Variants in ERC1 observed in about 807,000 individuals in gnomAD.
ERC1 encodes the protein RAB6 interacting protein 2.
A neutral mutation model predicts 132.0 loss-of-function variants in ERC1; 56 were observed. The ratio of observed to expected loss-of-function variants is 0.42; its 90% CI spans 0.34 to 0.53. ERC1 has a LOEUF of 0.53. Among genes scored for constraint, ERC1 ranks in the 20% least tolerant of loss-of-function variants. The pLI, the probability that ERC1 is intolerant of heterozygous loss-of-function variation, is 0.03. For missense variants in ERC1, 1,202 were observed against 1,349.9 expected (o/e 0.89, Z 1.72); for synonymous variants, 478 against 476.1 (o/e 1.00, Z -0.05).
At position 1,494,664 on chromosome 12, in the gene ERC1, G is replaced by C. The variant is rs957940980; in HGVS notation, c.*4434G>C. 4.3e-6 allele frequency: 1 copy of C among 231,064 alleles called. No homozygotes were observed. The highest frequency in any genetic ancestry group is 6.1e-5 in the East Asian group (1 of 16,292). The allele number at this position is 231,064 out of a possible 1,614,324, so 14.3% of individuals were successfully genotyped here. ...GAGAAGTGGTTTTAGGGATTGATTT[G>C]GGGGAGCGGGTTTTTGTCCCATCCC... On this transcript the variant is annotated 3_prime_UTR_variant, in exon 19 of 19. Transcript: ENST00000360905.
At position 1,434,678 on chromosome 12, in the gene ERC1, G is replaced by A. The variant is rs137882350; in HGVS notation, c.3025-9884G>A. ...TTCGGAGCAGAGGGAAACAGAGCACGTGGGTCCTTCTTCCAGAGATGGGTG... is the reference window on the plus strand; with the variant it reads ...TTCGGAGCAGAGGGAAACAGAGCACATGGGTCCTTCTTCCAGAGATGGGTG... On this transcript the variant is annotated intron_variant, in intron 17 of 18. Transcript: ENST00000360905. Among the ~76,000 whole-genome samples the A allele has an allele frequency of 2.6e-5, 4 of 152,306 alleles. No individual in the cohort carries two copies. In the East Asian group the frequency reaches 5.8e-4, roughly 22 times the overall value.
chr12:1,070,993 G>A (rs2154181726), intron 2 of ERC1, among the ~76,000 whole-genome samples: 1 of 152,232 alleles, frequency 6.6e-6, no homozygotes, highest in East Asian at 1.9e-4. Flanking sequence ...TCAGTGTGTT[G>A]TTTTTTACAT....
At chr12:994,275 A>G (rs895043810) in intron 1 of ERC1, among the ~76,000 whole-genome samples, 3 of 152,184 alleles carry the variant, frequency 2.0e-5, no homozygotes, top group African/African-American at 7.2e-5. Flanking sequence ...TTTCAGAGAC[A>G]TATAGTAAAA....
chr12:1,027,800 T>C lies in ERC1; in HGVS notation c.-104T>C. On this transcript the variant is annotated 5_prime_UTR_variant, in exon 2 of 19. Transcript: ENST00000360905. Reference sequence around the variant, plus strand: ...TGGACAGCTGGGGACCTTCTTCTGATTAACCTTAAACCAACTTGTAGCCAT... The same window carrying C: ...TGGACAGCTGGGGACCTTCTTCTGACTAACCTTAAACCAACTTGTAGCCAT... 1 of 971,862 alleles carries C rather than the reference T, an allele frequency of 1.0e-6. No homozygotes were observed. Among genetic ancestry groups the C allele is most frequent in the Non-Finnish European group, 1.6e-6 (1 of 645,118 alleles). The allele number at this position is 971,862 out of a possible 1,614,324, so 60.2% of individuals were successfully genotyped here. A position where few individuals can be genotyped will look rare whatever the true frequency, so the allele number is the denominator to read the frequency against.
In ERC1 at chr12:1,442,700, A is replaced by G. The variant is rs530680637; in HGVS notation, c.3025-1862A>G. 4.6e-5 allele frequency among the ~76,000 whole-genome samples: 7 copies of G among 152,294 alleles called. No homozygotes were observed. The East Asian group carries it at 1.2e-3, about 25-fold the overall frequency. Reference sequence around the variant, plus strand: ...TTTCCTGGAAATAGTATTAGAAACAAAGGAAATGTGCTATATGTATTATGC... The same window carrying G: ...TTTCCTGGAAATAGTATTAGAAACAGAGGAAATGTGCTATATGTATTATGC... On this transcript the variant is annotated intron_variant, in intron 17 of 18. Coordinates refer to ENST00000360905, the MANE Select transcript of ERC1 (RefSeq NM_178040.4).
chr12:1,293,245 A>G (rs1325071946), intron 15 of ERC1, among the ~76,000 whole-genome samples: 1 of 150,958 alleles, frequency 6.6e-6, no homozygotes, highest in African/African-American at 2.4e-5. Flanking sequence ...ACGAGGTCAG[A>G]AGATTGAGAC....
chr12:1,277,828 TATTGATA>T (rs1027366104), intron 14 of ERC1, among the ~76,000 whole-genome samples: 3 of 152,214 alleles, frequency 2.0e-5, no homozygotes, highest in East Asian at 1.9e-4. Flanking sequence ...TGGAACATGA[TATTGATA>T]AGCATATAGA....
At position 1,110,171 on chromosome 12, in the gene ERC1, TA is replaced by T; in HGVS notation, c.1162-18del. On this transcript the variant is annotated intron_variant, in intron 4 of 18. Transcript: ENST00000360905. The stretch of plus-strand genomic sequence containing the variant: ...GGGTTTTTGTGAATACTTCAATCAC[TA>T]AATCTTCCATTGTCTTCAGGATTCA... The T allele has an allele frequency of 1.3e-6, 2 of 1,571,808 alleles. No individual in the cohort carries two copies. Among genetic ancestry groups the T allele is most frequent in the Non-Finnish European group, 1.7e-6 (2 of 1,161,628 alleles).
At chr12:1,266,170 T>A (rs1383618130) in intron 14 of ERC1, among the ~76,000 whole-genome samples, 1 of 152,164 alleles carries the variant, frequency 6.6e-6, no homozygotes, top group Non-Finnish European at 1.5e-5. Context: ...TTGCTTTTAA[T>A]TGTATGCTTT....
At chr12:1,075,646 G>C (rs1211879940) in intron 2 of ERC1, among the ~76,000 whole-genome samples, 2 of 151,886 alleles carry the variant, frequency 1.3e-5, no homozygotes, top group African/African-American at 2.4e-5. Context: ...AGCTGAGATT[G>C]TGCCATTGCA....
chr12:1,440,263 G>A (rs1293457277), intron 17 of ERC1, among the ~76,000 whole-genome samples: 1 of 139,628 alleles, frequency 7.2e-6, no homozygotes, highest in Non-Finnish European at 1.5e-5. Context: ...GGAGTGCAGT[G>A]GTGCCATCTC....
intron 15 of ERC1, among the ~76,000 whole-genome samples, chr12:1,358,455 C>T (rs990266518): frequency 1.3e-5 from 2 of 151,998 alleles, no homozygotes. Flanking sequence ...GCTAAAAATC[C>T]AGTCTTGGCA....
At chr12:1,324,272 A>G (rs183769749) in intron 15 of ERC1, among the ~76,000 whole-genome samples, 27 of 152,338 alleles carry the variant, frequency 1.8e-4, no homozygotes, top group Admixed American at 3.9e-4. Flanking sequence ...GGCAGCTGAC[A>G]GACCTACTGA....
intron 15 of ERC1, among the ~76,000 whole-genome samples, chr12:1,297,556 A>G (rs2080056560): frequency 1.3e-5 from 2 of 151,074 alleles, no homozygotes. Flanking sequence ...AAAAAAAAAA[A>G]AAAATTAGCT....
At chr12:1,082,419 G>C (rs987100117) in intron 2 of ERC1, among the ~76,000 whole-genome samples, 44 of 150,956 alleles carry the variant, frequency 2.9e-4, no homozygotes, top group Non-Finnish European at 5.0e-4. Flanking sequence ...CTCCCAAAGT[G>C]CTGGGATTAT....
intron 15 of ERC1, among the ~76,000 whole-genome samples, chr12:1,348,484 C>T (rs186679194): frequency 3.3e-5 from 5 of 151,946 alleles, no homozygotes; most frequent in African/African-American, 1.2e-4. Context: ...GTCAGGAGTT[C>T]GAGACCATCC....
chr12:1,016,578 G>A (rs951506059), intron 1 of ERC1, among the ~76,000 whole-genome samples: 1 of 151,696 alleles, frequency 6.6e-6, no homozygotes, highest in Non-Finnish European at 1.5e-5. Context: ...AGGCGAGACT[G>A]GGGCTGTTTT....
chr12:1,068,365 G>T (rs78979101), intron 2 of ERC1, among the ~76,000 whole-genome samples: 1 of 148,072 alleles, frequency 6.8e-6, no homozygotes, highest in Non-Finnish European at 1.5e-5. Context: ...TCAAAGATCC[G>T]TATGAAATTA....
intron 12 of ERC1, among the ~76,000 whole-genome samples, chr12:1,235,535 T>C (rs2075355860): frequency 6.6e-6 from 1 of 152,114 alleles, no homozygotes; most frequent in African/African-American, 2.4e-5. Context: ...AAGACACAAA[T>C]AGCTATTTCA....
Sources: gnomAD v4.1 joint callset for allele counts (sites outside exome capture counted in the v4.1 genomes callset) on GRCh38, gnomAD v4.1.1 for gene constraint, MANE v1.5 for transcripts, NCBI Gene and HGNC (gene_info 2026-07-23, HGNC 2026-07-21) for gene names.